Variants in RADIL observed in about 807,000 individuals in gnomAD.
The protein encoded by RADIL is Rap associating with DIL domain.
A neutral mutation model predicts 97.6 loss-of-function variants in RADIL; 99 were observed. The ratio of observed to expected loss-of-function variants is 1.01; its 90% CI spans 0.86 to 1.20. The LOEUF is 1.20. Among genes scored for constraint, RADIL ranks in the 50% most tolerant of loss-of-function variants. RADIL has a pLI of 0.00. For synonymous variants in RADIL, 803 were observed against 691.8 expected (o/e 1.16, Z -2.52); for missense variants, 1,765 against 1,498.9 (o/e 1.18, Z -2.93).
chr7:4,837,410 A>C lies in RADIL; in HGVS notation c.536-805T>G, dbSNP rs1295221493. 6.6e-6 allele frequency among the ~76,000 whole-genome samples: 1 copy of C among 152,142 alleles called. No individual in the cohort carries two copies. The highest frequency in any genetic ancestry group is 1.5e-5 in the Non-Finnish European group (1 of 68,022). ...ACGGACTGGTCAGCATCCTGCCCCTACTTTACAAGGAGGAGGTGTCACTGT... is the reference window on the plus strand; with the variant it reads ...ACGGACTGGTCAGCATCCTGCCCCTCCTTTACAAGGAGGAGGTGTCACTGT... On this transcript the variant is annotated intron_variant, in intron 2 of 14. Coordinates refer to ENST00000399583, the MANE Select transcript of RADIL (RefSeq NM_018059.5). The surrounding 1 kb of genome is among the most constrained non-coding windows in gnomAD (Gnocchi z 5.6).
intron 9 of RADIL, chr7:4,809,189 C>G (rs1409138893): frequency 2.0e-6 from 2 of 985,340 alleles, no homozygotes; most frequent in Non-Finnish European, 2.4e-6. Context: ...CCCCCGCCTC[C>G]CCGGGCTGTC....
In RADIL at chr7:4,816,174, G is replaced by A. The variant is rs116381961; in HGVS notation, c.1966+54C>T. On this transcript the variant is annotated intron_variant, in intron 8 of 14. Coordinates refer to ENST00000399583, the MANE Select transcript of RADIL (RefSeq NM_018059.5). ...GCTGGCGAGGGAGGCGCCAGCAGCC[G>A]TCATGTCCAGGAATGTGAGCCCCCG... The A allele has an allele frequency of 4.8e-3, 7,281 of 1,526,268 alleles. 272 individuals are homozygous for A. The African/African-American group carries it at 0.083, about 17-fold the overall frequency. 94.5% of individuals were successfully genotyped at this position (1,526,268 alleles called of 1,614,324 possible).
intron 11 of RADIL, 116 bp downstream of exon 11, chr7:4,803,430 A>T: frequency 1.3e-6 from 1 of 776,314 alleles, no homozygotes; most frequent in Non-Finnish European, 1.8e-6. Flanking sequence ...CTCCCCGGGC[A>T]CCTCGGGGCA....
At chr7:4,874,629 A>G (rs924186826) in intron 2 of RADIL, among the ~76,000 whole-genome samples, 3 of 152,164 alleles carry the variant, frequency 2.0e-5, no homozygotes, top group Non-Finnish European at 2.9e-5. Context: ...AGCCCAGATG[A>G]GTGTGTCAGT....
intron 2 of RADIL, among the ~76,000 whole-genome samples, chr7:4,855,215 C>T (rs1245096404): frequency 1.3e-5 from 2 of 152,114 alleles, no homozygotes; most frequent in East Asian, 1.9e-4. Flanking sequence ...TACTACAAAA[C>T]GTTGACATAA....
chr7:4,809,811 T>C (rs1782487157), intron 9 of RADIL, among the ~76,000 whole-genome samples: 1 of 152,012 alleles, frequency 6.6e-6, no homozygotes, highest in Admixed American at 6.6e-5. Context: ...GCCTCCCGAG[T>C]AGCTGGCTAA....
chr7:4,799,548 C>T lies in RADIL; in HGVS notation c.3123-65G>A, dbSNP rs372805058. 8.1e-5 allele frequency: 131 copies of T among 1,611,880 alleles called. 1 individual carries two copies. The East Asian group carries it at 1.4e-3, about 18-fold the overall frequency. ...CCAGGGGAGACCCACAGGGTGCAGC[C>T]GGGCCTCTCCTTTACCCCAGGTCCA... On this transcript the variant is annotated intron_variant, in intron 14 of 14. Transcript: ENST00000399583.
Position 4,842,647 on chromosome 7 carries a change from G to A in RADIL, c.536-6042C>T, listed in dbSNP as rs1247454126. 2.6e-5 allele frequency among the ~76,000 whole-genome samples: 4 copies of A among 152,100 alleles called. No individual in the cohort carries two copies. Among genetic ancestry groups the A allele is most frequent in the East Asian group, 1.9e-4 (1 of 5,184 alleles). On this transcript the variant is annotated intron_variant, in intron 2 of 14. Transcript: ENST00000399583. The surrounding 1 kb of genome is among the most constrained non-coding windows in gnomAD (Gnocchi z 4.5). ...GCTCAATTCCTCTATAAACTCAGCCGGCAGCTTTCGCCTCCTGATCCTGTT... is the reference window on the plus strand; with the variant it reads ...GCTCAATTCCTCTATAAACTCAGCCAGCAGCTTTCGCCTCCTGATCCTGTT...
chr7:4,808,608 C>T lies in RADIL; in HGVS notation c.2140-2892G>A, dbSNP rs549116406. The stretch of plus-strand genomic sequence containing the variant: ...GAAGTCCTCACAGCTTGGCCCTTTA[C>T]AAGAAGCAGCCCCGCGGCCCTGGTC... On this transcript the variant is annotated intron_variant, in intron 9 of 14. Coordinates refer to ENST00000399583, the MANE Select transcript of RADIL (RefSeq NM_018059.5). The T allele has an allele frequency of 1.4e-3, 1,331 of 985,264 alleles. 1 individual carries two copies. The highest frequency in any genetic ancestry group is 1.5e-3 in the Non-Finnish European group (1,284 of 829,922). 61.0% of individuals were successfully genotyped at this position (985,264 alleles called of 1,614,324 possible). A position where few individuals can be genotyped will look rare whatever the true frequency, so the allele number is the denominator to read the frequency against.
chr7:4,820,888 G>A (rs1039960513), intron 6 of RADIL, among the ~76,000 whole-genome samples: 2 of 152,192 alleles, frequency 1.3e-5, no homozygotes, highest in African/African-American at 2.4e-5. Flanking sequence ...CTCTCACCAC[G>A]GAGAGCCCCT....
chr7:4,858,416 GA>G (rs1268122018), intron 2 of RADIL: 4 of 152,348 alleles, frequency 2.6e-5, no homozygotes, highest in East Asian at 1.9e-4. Context: ...TTAATTATGA[GA>G]TTTTTTTTAA....
chr7:4,862,125 G>GGGCT (rs1173818905), intron 2 of RADIL: 1 of 321,324 alleles, frequency 3.1e-6, no homozygotes, highest in Admixed American at 4.9e-5. Flanking sequence ...GCTGCGCGGG[G>GGGCT]GGCTATACAT....
Position 4,877,959 on chromosome 7 carries a change from C to T in RADIL, c.181G>A (p.Ala61Thr). Residue 61 changes from alanine (A) to threonine (T), a missense_variant, in exon 2 of 15, where the codon GCC (alanine) becomes ACC (threonine). Coordinates refer to ENST00000399583, the MANE Select transcript of RADIL (RefSeq NM_018059.5). ...CCAAACACCTTCAGGACACCAGGGG[C>T]CGACAGCTGGGTGGAGAGCTCGGCG... is the stretch of plus-strand genomic sequence containing the variant. ...DPAELSTQLS[A>T]PGVLKVFGDS... 1 of 1,610,904 alleles carries T rather than the reference C, an allele frequency of 6.2e-7. No individual in the cohort carries two copies. Among genetic ancestry groups the T allele is most frequent in the East Asian group, 2.2e-5 (1 of 44,876 alleles).
intron 9 of RADIL, among the ~76,000 whole-genome samples, chr7:4,806,333 G>T (rs555842858): frequency 3.4e-4 from 52 of 150,982 alleles, no homozygotes; most frequent in South Asian, 6.3e-4. Context: ...TTTTGTTTTT[G>T]TTTTTTTTTG....
At chr7:4,801,165 CAG>C (rs1449379691) in intron 12 of RADIL, among the ~76,000 whole-genome samples, 4 of 152,314 alleles carry the variant, frequency 2.6e-5, no homozygotes, top group Admixed American at 1.3e-4. Flanking sequence ...GCACACCATG[CAG>C]ACACACCCAT....
rs757533572 is a variant in RADIL at position 4,808,914 on chromosome 7, CCCA to C, written c.2140-3201_2140-3199del. 2.9e-4 allele frequency: 238 copies of C among 821,640 alleles called. 1 individual carries two copies. In the African/African-American group the frequency reaches 5.7e-3, roughly 20 times the overall value. The allele number at this position is 821,640 out of a possible 1,614,324, so 50.9% of individuals were successfully genotyped here. ...CCCCCCGTTCCGACGCCACTGCCCC[CCCA>C]CGTCTCCTTCCAACGCCACTGCCCC... On this transcript the variant is annotated intron_variant, in intron 9 of 14. Coordinates refer to ENST00000399583, the MANE Select transcript of RADIL (RefSeq NM_018059.5).
rs953163592 is a variant in RADIL at position 4,840,202 on chromosome 7, C to G, written c.536-3597G>C. On this transcript the variant is annotated intron_variant, in intron 2 of 14. Coordinates refer to ENST00000399583, the MANE Select transcript of RADIL (RefSeq NM_018059.5). The surrounding 1 kb of genome is among the most constrained non-coding windows in gnomAD (Gnocchi z 5.6). ...GTCGGCTGTCAGGCTTGTTGGGGGC[C>G]GACATGGCCTCCCAAGTTCCCATAG... Among the ~76,000 whole-genome samples the G allele has an allele frequency of 6.6e-6, 1 of 152,090 alleles. No homozygotes were observed. The highest frequency in any genetic ancestry group is 6.6e-5 in the Admixed American group (1 of 15,260).
At position 4,818,574 on chromosome 7, in the gene RADIL, C is replaced by CA. The variant is rs759969606; in HGVS notation, c.1616-1224dup. ...GCAGTAAGGGGCTCTCGGGCTCTGCCAACCTCAACACTGTGCCCAGAAGCC... is the reference window on the plus strand; with the variant it reads ...GCAGTAAGGGGCTCTCGGGCTCTGCCAAACCTCAACACTGTGCCCAGAAGCC... On this transcript the variant is annotated intron_variant, in intron 6 of 14. Coordinates refer to ENST00000399583, the MANE Select transcript of RADIL (RefSeq NM_018059.5). The surrounding 1 kb of genome is among the most constrained non-coding windows in gnomAD (Gnocchi z 7.1). 3.3e-5 allele frequency among the ~76,000 whole-genome samples: 5 copies of CA among 152,200 alleles called. No individual in the cohort carries two copies. The highest frequency in any genetic ancestry group is 5.9e-5 in the Non-Finnish European group (4 of 68,034).
rs560721407 is a variant in RADIL at position 4,817,829 on chromosome 7, C to T, written c.1616-478G>A. On this transcript the variant is annotated intron_variant, in intron 6 of 14. Transcript: ENST00000399583. The surrounding 1 kb of genome is among the most constrained non-coding windows in gnomAD (Gnocchi z 8.3). ...GCCCAAATCAGCTATTTCACCCCCACCCCCGGGTGTCAGCCGGGGCGGCTG... is the reference window on the plus strand; with the variant it reads ...GCCCAAATCAGCTATTTCACCCCCATCCCCGGGTGTCAGCCGGGGCGGCTG... 2.0e-5 allele frequency among the ~76,000 whole-genome samples: 3 copies of T among 152,306 alleles called. No individual in the cohort carries two copies. The highest frequency in any genetic ancestry group is 4.4e-5 in the Non-Finnish European group (3 of 68,020).
Sources: gnomAD v4.1 joint callset for allele counts (sites outside exome capture counted in the v4.1 genomes callset) on GRCh38, gnomAD v4.1.1 for gene constraint, Gnocchi (gnomAD v3.1) non-coding constraint, MANE v1.5 for transcripts, NCBI Gene and HGNC (gene_info 2026-07-23, HGNC 2026-07-21) for gene names.